The following AUTS2 variants were observed in gnomAD, a reference collection of about 807,000 sequenced individuals.
AUTS2 encodes autism susceptibility gene 2 protein.
AUTS2 carries 17 observed loss-of-function variants against 112.4 expected under a neutral mutation model. That is an observed-to-expected ratio of 0.15 (90% CI 0.10 to 0.23). The LOEUF (loss-of-function observed/expected upper bound fraction) is 0.23. Ranked by LOEUF, AUTS2 falls within the 10% of genes least tolerant of loss-of-function variation. AUTS2 has a pLI of 1.00. For missense variants in AUTS2, 1,510 were observed against 1,701.6 expected (o/e 0.89, Z 1.98); for synonymous variants, 751 against 702.7 (o/e 1.07, Z -1.09).
At chr7:69,672,445 G>A (rs776472055) in intron 1 of AUTS2, among the ~76,000 whole-genome samples, 6 of 152,146 alleles carry the variant, frequency 3.9e-5, no homozygotes, top group Non-Finnish European at 8.8e-5. Context: ...TACACACAAC[G>A]GTGATTTGTG....
chr7:70,592,458 G>A (rs1229392275), intron 5 of AUTS2, among the ~76,000 whole-genome samples: 1 of 152,086 alleles, frequency 6.6e-6, no homozygotes, highest in African/African-American at 2.4e-5. Context: ...CCGCCTCTGG[G>A]TTCAAACAGC....
intron 1 of AUTS2, among the ~76,000 whole-genome samples, chr7:69,820,669 A>G (rs1254448770): frequency 6.6e-6 from 1 of 152,220 alleles, no homozygotes; most frequent in Non-Finnish European, 1.5e-5. Context: ...CTGGAAGAGC[A>G]GGGATCATCA....
intron 1 of AUTS2, among the ~76,000 whole-genome samples, chr7:69,603,905 T>C (rs1583922606): frequency 1.3e-5 from 2 of 152,288 alleles, no homozygotes; most frequent in East Asian, 3.9e-4. Context: ...GTTTTTTTTC[T>C]GTGTTGTGTC....
At chr7:70,725,672 C>T (rs1420976751) in intron 6 of AUTS2, among the ~76,000 whole-genome samples, 1 of 152,206 alleles carries the variant, frequency 6.6e-6, no homozygotes, top group Non-Finnish European at 1.5e-5. Context: ...ATGTTGAGTT[C>T]AGCCAAGAGT....
At chr7:70,664,402 C>G (rs1362244943) in intron 5 of AUTS2, among the ~76,000 whole-genome samples, 1 of 152,124 alleles carries the variant, frequency 6.6e-6, no homozygotes, top group Non-Finnish European at 1.5e-5. Flanking sequence ...GTGATGAAAC[C>G]TCATAATTTC....
intron 1 of AUTS2, among the ~76,000 whole-genome samples, chr7:69,828,828 G>T (rs986015571): frequency 1.3e-5 from 2 of 152,092 alleles, no homozygotes; most frequent in Non-Finnish European, 2.9e-5. Context: ...TGTCTTGGGG[G>T]TTTTCAGTAT....
At chr7:70,391,920 G>A (rs1216166223) in intron 4 of AUTS2, among the ~76,000 whole-genome samples, 1 of 151,980 alleles carries the variant, frequency 6.6e-6, no homozygotes, top group Non-Finnish European at 1.5e-5. Flanking sequence ...AGCTTCCCTA[G>A]CCACCCCTGC....
intron 1 of AUTS2, among the ~76,000 whole-genome samples, chr7:69,699,517 C>T (rs561886503): frequency 7.9e-5 from 12 of 152,044 alleles, no homozygotes; most frequent in South Asian, 4.2e-4. Context: ...AGAGAGCTTC[C>T]GTATTCCTTT....
chr7:70,102,208 T>A (rs1270577360), intron 2 of AUTS2, among the ~76,000 whole-genome samples: 1 of 149,114 alleles, frequency 6.7e-6, no homozygotes, highest in Non-Finnish European at 1.5e-5. Context: ...AAGCTCTGGC[T>A]CCCGGGTTCA....
At chr7:69,887,950 A>G (rs1023243949) in intron 1 of AUTS2, among the ~76,000 whole-genome samples, 12 of 151,918 alleles carry the variant, frequency 7.9e-5, no homozygotes, top group Admixed American at 5.9e-4. Flanking sequence ...CATATAGGGG[A>G]ATAGAAATGG....
intron 2 of AUTS2, among the ~76,000 whole-genome samples, chr7:69,961,969 T>A (rs537040468): frequency 2.8e-4 from 43 of 152,242 alleles, no homozygotes; most frequent in African/African-American, 1.0e-3. Context: ...CTATTTTCTA[T>A]CCTTCCACAC....
intron 5 of AUTS2, among the ~76,000 whole-genome samples, chr7:70,453,745 C>T (rs991267788): frequency 6.6e-6 from 1 of 152,154 alleles, no homozygotes; most frequent in African/African-American, 2.4e-5. Context: ...TTTCGTGTGT[C>T]TCATCTCCGC....
At chr7:70,713,208 G>A (rs752256852) in intron 6 of AUTS2, among the ~76,000 whole-genome samples, 14 of 152,286 alleles carry the variant, frequency 9.2e-5, no homozygotes, top group Middle Eastern at 6.8e-3. Flanking sequence ...CACCAATGCC[G>A]GCCTGCCATC....
chr7:70,458,719 C>T (rs1438965630), intron 5 of AUTS2, among the ~76,000 whole-genome samples: 3 of 152,090 alleles, frequency 2.0e-5, no homozygotes, highest in African/African-American at 7.2e-5. Context: ...CCTCGGGGAC[C>T]ATACTTTAGG....
At chr7:69,677,736 G>A (rs1014385455) in intron 1 of AUTS2, among the ~76,000 whole-genome samples, 1 of 152,142 alleles carries the variant, frequency 6.6e-6, no homozygotes, top group Non-Finnish European at 1.5e-5. Flanking sequence ...ACTCCTCTAG[G>A]TTAAATGTAC....
chr7:69,972,605 T>C (rs1405794190), intron 2 of AUTS2, among the ~76,000 whole-genome samples: 2 of 152,104 alleles, frequency 1.3e-5, no homozygotes, highest in Non-Finnish European at 2.9e-5. Context: ...ATGATCCATT[T>C]TGAGATAAAT....
At chr7:70,016,398 C>T (rs950546282) in intron 2 of AUTS2, among the ~76,000 whole-genome samples, 2 of 151,888 alleles carry the variant, frequency 1.3e-5, no homozygotes, top group African/African-American at 4.8e-5. Flanking sequence ...CTGACTTCAC[C>T]ACCAGGATCG....
chr7:70,660,310 C>G (rs1807003544), intron 5 of AUTS2, among the ~76,000 whole-genome samples: 1 of 152,186 alleles, frequency 6.6e-6, no homozygotes. Context: ...AGTGTGATGT[C>G]TTTCTCTAAA....
intron 18 of AUTS2, among the ~76,000 whole-genome samples, chr7:70,788,626 C>T (rs556815319): frequency 2.0e-5 from 3 of 152,266 alleles, no homozygotes; most frequent in South Asian, 2.1e-4. Flanking sequence ...TTCTGGATGG[C>T]GTCAAAATGG....
Sources: allele counts gnomAD v4.1 joint callset (sites outside exome capture counted in the v4.1 genomes callset), GRCh38; gene constraint gnomAD v4.1.1; transcripts MANE v1.5; gene names NCBI Gene and HGNC (gene_info 2026-07-23, HGNC 2026-07-21).